Variants in RIMS4 observed in about 807,000 individuals in gnomAD.
The protein encoded by RIMS4 is regulating synaptic membrane exocytosis protein 4.
A neutral mutation model predicts 29.0 loss-of-function variants in RIMS4; 9 were observed. The observed-to-expected ratio is 0.31, with a 90% CI of 0.19 to 0.54. RIMS4 has a LOEUF of 0.54. Ranked by LOEUF, RIMS4 falls within the 20% of genes least tolerant of loss-of-function variation. RIMS4 has a pLI of 0.94. For synonymous variants in RIMS4, 130 were observed against 152.9 expected (o/e 0.85, Z 1.10); for missense variants, 193 against 365.7 (o/e 0.53, Z 3.85).
In RIMS4 at chr20:44,810,085, T is replaced by C. The variant is rs1178654575; in HGVS notation, c.97+90A>G. Reference sequence around the variant, plus strand: ...GGGCGCCTTCCCAGGGGATTGGGGGTGGGGAGGAGGGCGCACGGGTCGGGG... The same window carrying C: ...GGGCGCCTTCCCAGGGGATTGGGGGCGGGGAGGAGGGCGCACGGGTCGGGG... On this transcript the variant is annotated intron_variant, in intron 1 of 5. Coordinates refer to ENST00000372851, the MANE Select transcript of RIMS4 (RefSeq NM_182970.4). 3.1e-5 allele frequency: 11 copies of C among 357,028 alleles called. No homozygotes were observed. The East Asian group carries it at 8.7e-4, about 28-fold the overall frequency. 22.1% of individuals were successfully genotyped at this position (357,028 alleles called of 1,614,324 possible). A position where few individuals can be genotyped will look rare whatever the true frequency, so the allele number is the denominator to read the frequency against.
In RIMS4 at chr20:44,755,755, C is replaced by T. The variant is rs897326884; in HGVS notation, c.*379G>A. ...TGGTAATTGGCACCATGGAGATGGC[C>T]GGCTGGGTTCTGGACATGGCTCTGG... On this transcript the variant is annotated 3_prime_UTR_variant, in exon 6 of 6. Transcript: ENST00000372851. The T allele has an allele frequency of 2.2e-5, 4 of 181,410 alleles. No homozygotes were observed. Among genetic ancestry groups the T allele is most frequent in the East Asian group, 1.4e-4 (1 of 7,116 alleles). 11.2% of individuals were successfully genotyped at this position (181,410 alleles called of 1,614,324 possible).
At chr20:44,793,839 G>GC (rs1360599456) in intron 1 of RIMS4, among the ~76,000 whole-genome samples, 13 of 152,220 alleles carry the variant, frequency 8.5e-5, no homozygotes, top group Non-Finnish European at 1.2e-4. Context: ...GGAGACCAAG[G>GC]TGAGAGGATT....
At chr20:44,775,727 G>T (rs6513948) in intron 1 of RIMS4, among the ~76,000 whole-genome samples, 1 of 152,102 alleles carries the variant, frequency 6.6e-6, no homozygotes, top group Non-Finnish European at 1.5e-5. Flanking sequence ...TCATCTCAGG[G>T]TCTGGTTTGG....
At chr20:44,764,151 T>TATCCATAC (rs2066100849) in intron 2 of RIMS4, among the ~76,000 whole-genome samples, 1 of 40,724 alleles carries the variant, frequency 2.5e-5, no homozygotes, top group East Asian at 6.3e-4. Flanking sequence ...TGCATCCATT[T>TATCCATAC]ATCCATCCAT....
At chr20:44,787,440 CTTATA>C (rs1033780017) in intron 1 of RIMS4, among the ~76,000 whole-genome samples, 8 of 152,096 alleles carry the variant, frequency 5.3e-5, no homozygotes, top group Non-Finnish European at 5.9e-5. Flanking sequence ...TGAAATATGT[CTTATA>C]TTATACCCAT....
chr20:44,764,255 C>CATCCATGCATCCATCCATCCATCCATTTA (rs1325046131), intron 2 of RIMS4, among the ~76,000 whole-genome samples: 1 of 144,318 alleles, frequency 6.9e-6, no homozygotes, highest in African/African-American at 2.6e-5. Flanking sequence ...TCCATCCATC[C>CATCCATGCATCCATCCATCCATCCATTTA]TCCCACAAAC....
At chr20:44,805,759 T>G (rs980395593) in intron 1 of RIMS4, among the ~76,000 whole-genome samples, 1 of 152,240 alleles carries the variant, frequency 6.6e-6, no homozygotes, top group South Asian at 2.1e-4. Context: ...AAGAAAACTC[T>G]GCCAAATGGA....
intron 1 of RIMS4, among the ~76,000 whole-genome samples, chr20:44,807,987 GCTA>G (rs1256324521): frequency 5.9e-5 from 9 of 151,986 alleles, no homozygotes. Context: ...CAGAGGGAGG[GCTA>G]CTGGTTTAAT....
At chr20:44,782,002 G>A (rs139117963) in intron 1 of RIMS4, among the ~76,000 whole-genome samples, 2 of 152,292 alleles carry the variant, frequency 1.3e-5, no homozygotes, top group East Asian at 1.9e-4. Flanking sequence ...ACGTACTTCC[G>A]TCTTCTTAGG....
chr20:44,754,917 TC>T lies in RIMS4; in HGVS notation c.*1216del. The T allele has an allele frequency of 6.6e-6, 1 of 152,650 alleles. No homozygotes were observed. The highest frequency in any genetic ancestry group is 1.5e-5 in the Non-Finnish European group (1 of 68,016). 9.5% of individuals were successfully genotyped at this position (152,650 alleles called of 1,614,324 possible). On this transcript the variant is annotated 3_prime_UTR_variant, in exon 6 of 6. Coordinates refer to ENST00000372851, the MANE Select transcript of RIMS4 (RefSeq NM_182970.4). ...TTCTATAAAGAGGGGCCAGCCTCCATCCTCCCTTGCATGCAAAAGGGCTCCC... is the reference window on the plus strand; with the variant it reads ...TTCTATAAAGAGGGGCCAGCCTCCATCTCCCTTGCATGCAAAAGGGCTCCC...
intron 2 of RIMS4, among the ~76,000 whole-genome samples, chr20:44,769,835 G>T (rs980948266): frequency 7.2e-5 from 11 of 152,200 alleles, no homozygotes; most frequent in Non-Finnish European, 1.6e-4. Flanking sequence ...ATGAAGGGAA[G>T]CAAAAGTGGA....
At chr20:44,788,769 A>G (rs1431612065) in intron 1 of RIMS4, among the ~76,000 whole-genome samples, 3 of 152,142 alleles carry the variant, frequency 2.0e-5, no homozygotes, top group Middle Eastern at 3.4e-3. Flanking sequence ...CTCTAAAAAT[A>G]ATTTTTTAAG....
intron 1 of RIMS4, among the ~76,000 whole-genome samples, chr20:44,808,134 CACAA>C (rs1015218343): frequency 2.0e-5 from 3 of 151,868 alleles, no homozygotes; most frequent in African/African-American, 7.3e-5. Context: ...GTCACACACA[CACAA>C]ACACTCACAC....
At chr20:44,772,200 C>T (rs2066140373) in intron 1 of RIMS4, among the ~76,000 whole-genome samples, 1 of 152,142 alleles carries the variant, frequency 6.6e-6, no homozygotes, top group Non-Finnish European at 1.5e-5. Flanking sequence ...TCATCTTATC[C>T]AAGATCTTTC....
Position 44,756,377 on chromosome 20 carries a change from T to C in RIMS4, c.592-25A>G. 1 of 1,599,348 alleles carries C rather than the reference T, an allele frequency of 6.3e-7. No homozygotes were observed. The highest frequency in any genetic ancestry group is 2.3e-5 in the East Asian group (1 of 44,224). Reference sequence around the variant, plus strand: ...CCTGTGGGGCAAGAGACACAGTGGTTCAAATCCTGCCAGTGCCACTCACAG... The same window carrying C: ...CCTGTGGGGCAAGAGACACAGTGGTCCAAATCCTGCCAGTGCCACTCACAG... On this transcript the variant is annotated intron_variant, in intron 5 of 5. Transcript: ENST00000372851. The surrounding 1 kb of genome is among the most constrained non-coding windows in gnomAD (Gnocchi z 5.9).
intron 1 of RIMS4, among the ~76,000 whole-genome samples, chr20:44,802,538 C>T (rs894338652): frequency 8.5e-5 from 13 of 152,174 alleles, no homozygotes; most frequent in African/African-American, 2.4e-4. Context: ...AGGTGAGATT[C>T]GAAGAGGGGT....
intron 1 of RIMS4, among the ~76,000 whole-genome samples, chr20:44,800,799 G>A (rs531301206): frequency 3.4e-4 from 52 of 152,212 alleles, no homozygotes; most frequent in East Asian, 3.3e-3. Context: ...ACTGAGACTC[G>A]GCGATGAACA....
chr20:44,806,205 C>A (rs537220926), intron 1 of RIMS4, among the ~76,000 whole-genome samples: 2 of 149,148 alleles, frequency 1.3e-5, no homozygotes, highest in Non-Finnish European at 3.0e-5. Flanking sequence ...TTCTCCCAGG[C>A]GGGAGGGGGA....
At chr20:44,764,059 CATCCATTT>C (rs532759164) in intron 2 of RIMS4, among the ~76,000 whole-genome samples, 1 of 150,702 alleles carries the variant, frequency 6.6e-6, no homozygotes, top group African/African-American at 2.5e-5. Context: ...TCCATCCATC[CATCCATTT>C]ATCCATCCAT....
Sources: allele counts gnomAD v4.1 joint callset (sites outside exome capture counted in the v4.1 genomes callset), GRCh38; gene constraint gnomAD v4.1.1; non-coding constraint Gnocchi (gnomAD v3.1); transcripts MANE v1.5; gene names NCBI Gene and HGNC (gene_info 2026-07-23, HGNC 2026-07-21).